Variants in LRP1B observed in about 807,000 individuals in gnomAD.
LRP1B encodes LDL receptor related protein 1B, also known as low-density lipoprotein receptor-related protein 1B.
A neutral mutation model predicts 556.6 loss-of-function variants in LRP1B; 217 were observed. The ratio of observed to expected loss-of-function variants is 0.39; its 90% confidence interval spans 0.35 to 0.44. The LOEUF is 0.44. LRP1B is among the 20% of genes least tolerant of loss of function. The pLI, the probability that LRP1B is intolerant of heterozygous loss-of-function variation, is 1.00. For synonymous variants in LRP1B, 2,047 were observed against 1,865.8 expected, an observed-to-expected ratio of 1.10 and a Z score of -2.50; for missense variants, 5,053 against 5,620.8, an observed-to-expected ratio of 0.90 and a Z score of 3.23.
At chr2:140,274,307 G>T in intron 85 of LRP1B, 117 bp downstream of exon 85, 1 of 868,016 alleles carries the variant, frequency 1.2e-6, no homozygotes, top group Non-Finnish European at 1.8e-6. Context: ...ACTGCAATGG[G>T]CACAATACGG....
intron 33 of LRP1B, among the ~76,000 whole-genome samples, chr2:140,772,130 A>G (rs899307373): frequency 2.0e-5 from 3 of 152,206 alleles, no homozygotes; most frequent in African/African-American, 7.2e-5. Flanking sequence ...TAGGGCCATT[A>G]TATGGCCCTG....
At chr2:141,797,225 C>G (rs1237649399) in intron 2 of LRP1B, among the ~76,000 whole-genome samples, 3 of 137,218 alleles carry the variant, frequency 2.2e-5, no homozygotes, top group Non-Finnish European at 4.6e-5. Context: ...TGCTCTGCAT[C>G]ATATCTGAAA....
At chr2:140,980,508 G>A (rs969265390) in intron 18 of LRP1B, among the ~76,000 whole-genome samples, 2 of 152,140 alleles carry the variant, frequency 1.3e-5, no homozygotes, top group Non-Finnish European at 2.9e-5. Context: ...TACCACTGCT[G>A]TTGCCTTCTT....
At chr2:141,886,137 C>G (rs1011402193) in intron 1 of LRP1B, among the ~76,000 whole-genome samples, 12 of 152,174 alleles carry the variant, frequency 7.9e-5, no homozygotes, top group Non-Finnish European at 1.8e-4. Context: ...AATATGCAGG[C>G]TGGTAATCAC....
intron 18 of LRP1B, among the ~76,000 whole-genome samples, chr2:140,972,074 C>T (rs116516416): frequency 1.4e-3 from 210 of 152,272 alleles, no homozygotes; most frequent in African/African-American, 4.9e-3. Flanking sequence ...AAATATCCCT[C>T]GAGGCTTTAA....
chr2:140,871,635 G>T (rs1207949819), intron 25 of LRP1B, among the ~76,000 whole-genome samples: 1 of 152,100 alleles, frequency 6.6e-6, no homozygotes, highest in Non-Finnish European at 1.5e-5. Flanking sequence ...GTTTCATGGA[G>T]ATGTGAAAGG....
intron 1 of LRP1B, among the ~76,000 whole-genome samples, chr2:141,885,478 A>AAAACAAAC (rs138474799): frequency 3.9e-5 from 6 of 151,996 alleles, no homozygotes; most frequent in African/African-American, 1.5e-4. Flanking sequence ...TTCTTTTTGT[A>AAAACAAAC]AAACAAACAA....
At chr2:141,335,144 C>G (rs373716318) in intron 3 of LRP1B, among the ~76,000 whole-genome samples, 4 of 152,054 alleles carry the variant, frequency 2.6e-5, no homozygotes, top group Non-Finnish European at 4.4e-5. Context: ...ACTTCAAAGA[C>G]GAGTTAAAGC....
intron 2 of LRP1B, among the ~76,000 whole-genome samples, chr2:141,726,062 T>G (rs1377791559): frequency 6.6e-6 from 1 of 151,684 alleles, no homozygotes; most frequent in African/African-American, 2.4e-5. Context: ...TGTGATTTTT[T>G]TAAAAGAAAA....
intron 43 of LRP1B, among the ~76,000 whole-genome samples, chr2:140,569,268 T>A (rs2105101113): frequency 6.6e-6 from 1 of 152,106 alleles, no homozygotes; most frequent in South Asian, 2.1e-4. Flanking sequence ...ACATATAGAC[T>A]GGCTGAAAGA....
chr2:141,038,378 T>G (rs1235379597), intron 11 of LRP1B, among the ~76,000 whole-genome samples: 8 of 84,800 alleles, frequency 9.4e-5, no homozygotes, highest in Admixed American at 9.4e-4. Context: ...GACTGACAGT[T>G]CTGTCTACTA....
At chr2:141,969,135 A>C (rs772241573) in intron 1 of LRP1B, among the ~76,000 whole-genome samples, 17 of 150,880 alleles carry the variant, frequency 1.1e-4, no homozygotes, top group Non-Finnish European at 2.2e-4. Context: ...AAAGCTATAC[A>C]TTGACAAATT....
At chr2:140,851,516 C>T in intron 28 of LRP1B, 136 bp downstream of exon 28, 7 of 854,694 alleles carry the variant, frequency 8.2e-6, no homozygotes, top group Non-Finnish European at 1.2e-5. Flanking sequence ...ATGGAAATAG[C>T]ACCACCACCT....
At chr2:140,317,966 C>T (rs942955709) in intron 82 of LRP1B, among the ~76,000 whole-genome samples, 2 of 149,698 alleles carry the variant, frequency 1.3e-5, no homozygotes, top group Non-Finnish European at 2.9e-5. Context: ...AACTAAATCA[C>T]CCCCAGAAGC....
At chr2:141,315,598 T>A (rs1296712250) in intron 3 of LRP1B, among the ~76,000 whole-genome samples, 1 of 151,820 alleles carries the variant, frequency 6.6e-6, no homozygotes, top group East Asian at 1.9e-4. Flanking sequence ...ATGTATAAAT[T>A]GTTATTATTA....
chr2:140,838,850 G>T (rs991933517), intron 31 of LRP1B, among the ~76,000 whole-genome samples: 1 of 152,098 alleles, frequency 6.6e-6, no homozygotes, highest in Non-Finnish European at 1.5e-5. Context: ...AGTGATTAAG[G>T]TTCGAAACAG....
At chr2:140,876,235 T>A (rs1177893078) in intron 25 of LRP1B, among the ~76,000 whole-genome samples, 1 of 152,196 alleles carries the variant, frequency 6.6e-6, no homozygotes, top group Non-Finnish European at 1.5e-5. Flanking sequence ...AATCCTTTTT[T>A]TCTTTTCAGA....
intron 6 of LRP1B, among the ~76,000 whole-genome samples, chr2:141,202,350 T>A (rs1682068263): frequency 6.6e-6 from 1 of 152,246 alleles, no homozygotes; most frequent in Non-Finnish European, 1.5e-5. Flanking sequence ...ACATCTTTGC[T>A]ATTGTGAATA....
intron 61 of LRP1B, among the ~76,000 whole-genome samples, chr2:140,457,153 A>C (rs1331375319): frequency 6.6e-6 from 1 of 152,188 alleles, no homozygotes; most frequent in Non-Finnish European, 1.5e-5. Flanking sequence ...GAAACTAAGG[A>C]TCCTCTATTT....
Sources: allele counts gnomAD v4.1 joint callset (sites outside exome capture counted in the v4.1 genomes callset), GRCh38; gene constraint gnomAD v4.1.1; transcripts MANE v1.5; gene names NCBI Gene and HGNC (gene_info 2026-07-23, HGNC 2026-07-21).